The following TRPM3 variants were observed in gnomAD, a reference collection of about 807,000 sequenced individuals.
The protein encoded by TRPM3 is long transient receptor potential channel 3.
TRPM3 carries 77 observed loss-of-function variants against 181.2 expected under a neutral mutation model. That is an observed-to-expected ratio of 0.42 (90% confidence interval 0.35 to 0.51). TRPM3 has a LOEUF of 0.51. Among genes scored for constraint, TRPM3 ranks in the 20% least tolerant of loss-of-function variants. The probability of loss-of-function intolerance (pLI) is 0.01; values close to 1 mark genes in which losing one functional copy is unlikely to be tolerated. For synonymous variants in TRPM3, 745 were observed against 796.4 expected, an observed-to-expected ratio of 0.94 and a Z score of 1.09; for missense variants, 1,759 against 2,196.7, an observed-to-expected ratio of 0.80 and a Z score of 3.98.
intron 1 of TRPM3, among the ~76,000 whole-genome samples, chr9:71,167,477 TC>T (rs1260758477): frequency 6.6e-6 from 1 of 152,138 alleles, no homozygotes; most frequent in Non-Finnish European, 1.5e-5. Flanking sequence ...ATCACACCCT[TC>T]TGCAAAAAAA....
Position 71,096,914 on chromosome 9 carries a change from C to G in TRPM3, c.177+24264G>C, listed in dbSNP as rs538862577. 2.6e-5 allele frequency among the ~76,000 whole-genome samples: 4 copies of G among 152,246 alleles called. No homozygotes were observed. The South Asian group carries it at 6.2e-4, about 24-fold the overall frequency. On this transcript the variant is annotated intron_variant, in intron 1 of 25. Transcript: ENST00000677713. ...TTACCTCTAGAACAGCTGCTGGAGT[C>G]TATCTGATCATCCCATGGCAGTCAT... is the stretch of plus-strand genomic sequence containing the variant.
At chr9:70,989,553 T>C (rs2097456305) in intron 1 of TRPM3, among the ~76,000 whole-genome samples, 1 of 152,200 alleles carries the variant, frequency 6.6e-6, no homozygotes, top group Admixed American at 6.5e-5. Context: ...TTCGTTTTCT[T>C]AGTCCTTCTG....
chr9:71,000,459 G>A (rs2097586673), intron 1 of TRPM3, among the ~76,000 whole-genome samples: 1 of 152,184 alleles, frequency 6.6e-6, no homozygotes, highest in Non-Finnish European at 1.5e-5. Flanking sequence ...AAGGTATGGT[G>A]TTCAATGAAA....
chr9:70,865,455 C>T (rs2095630010), intron 1 of TRPM3: 1 of 152,114 alleles, frequency 6.6e-6, no homozygotes, highest in African/African-American at 2.4e-5. Flanking sequence ...GTTATTTCTA[C>T]ATGGCATCAT....
intron 1 of TRPM3, among the ~76,000 whole-genome samples, chr9:70,908,537 A>G (rs555318459): frequency 1.9e-4 from 29 of 152,360 alleles, no homozygotes; most frequent in Non-Finnish European, 3.8e-4. Context: ...AAGAAACTAA[A>G]TAAGACCTAA....
chr9:71,396,243 C>T lies in TRPM3; in HGVS notation c.183+50410G>A, dbSNP rs544898326. 1.8e-4 allele frequency among the ~76,000 whole-genome samples: 27 copies of T among 150,992 alleles called. No homozygotes were observed. The South Asian group carries it at 5.4e-3, about 30-fold the overall frequency. On this transcript the variant is annotated intron_variant, in intron 1 of 24. Coordinates refer to the TRPM3 transcript ENST00000357533. ...AATGGTAAACTGCTTTCAAGAACTA[C>T]TGCTCTTCAGTTAATGACCTAAGAA... is the stretch of plus-strand genomic sequence containing the variant.
chr9:71,072,888 T>G (rs1173480548), intron 1 of TRPM3, among the ~76,000 whole-genome samples: 1 of 152,182 alleles, frequency 6.6e-6, no homozygotes, highest in Non-Finnish European at 1.5e-5. Context: ...TGTGAACTTG[T>G]GATCAATTAA....
chr9:71,047,857 C>T (rs2059631055), intron 1 of TRPM3, among the ~76,000 whole-genome samples: 1 of 125,848 alleles, frequency 7.9e-6, no homozygotes, highest in South Asian at 2.7e-4. Context: ...CACACACACA[C>T]ACTCACACAA....
chr9:70,981,923 T>G (rs933955361), intron 1 of TRPM3, among the ~76,000 whole-genome samples: 1 of 152,196 alleles, frequency 6.6e-6, no homozygotes, highest in Admixed American at 6.5e-5. Flanking sequence ...ACAGTGTTCT[T>G]AGGAGGTTTA....
chr9:71,307,974 CT>C (rs1195485360), intron 1 of TRPM3, among the ~76,000 whole-genome samples: 175 of 142,044 alleles, frequency 1.2e-3, no homozygotes, highest in Middle Eastern at 7.1e-3. Flanking sequence ...TTCTTTCTTT[CT>C]TTTTTTTTTT....
chr9:70,873,652 G>A (rs772010950), intron 1 of TRPM3, among the ~76,000 whole-genome samples: 7 of 151,922 alleles, frequency 4.6e-5, no homozygotes, highest in Non-Finnish European at 1.0e-4. Flanking sequence ...GAAACATTGT[G>A]TTCCTTGATG....
chr9:70,529,396 T>C lies in TRPM3; in HGVS notation c.*6557A>G. 6.6e-6 allele frequency: 1 copy of C among 152,232 alleles called. No homozygotes were observed. The highest frequency in any genetic ancestry group is 1.9e-4 in the East Asian group (1 of 5,204). 9.4% of individuals were successfully genotyped at this position (152,232 alleles called of 1,614,324 possible). ...GATATCTGAATAATTTCCCCCATTA[T>C]AAACTAGGGTTAGAACGTTTACAAA... is the stretch of plus-strand genomic sequence containing the variant. On this transcript the variant is annotated 3_prime_UTR_variant, in exon 26 of 26. Coordinates refer to ENST00000677713, the MANE Select transcript of TRPM3 (RefSeq NM_001366145.2).
chr9:70,567,643 C>A (rs1181793026), intron 22 of TRPM3, among the ~76,000 whole-genome samples: 1 of 150,368 alleles, frequency 6.7e-6, no homozygotes, highest in Non-Finnish European at 1.5e-5. Flanking sequence ...TGGGAAAATC[C>A]TAAAACTAAA....
intron 1 of TRPM3, among the ~76,000 whole-genome samples, chr9:70,969,756 T>TA: frequency 7.9e-6 from 1 of 126,624 alleles, no homozygotes; most frequent in South Asian, 2.7e-4. Flanking sequence ...CTGAATGATT[T>TA]TATATATATA....
At chr9:71,044,735 G>T (rs1199060593) in intron 1 of TRPM3, among the ~76,000 whole-genome samples, 3 of 152,000 alleles carry the variant, frequency 2.0e-5, no homozygotes, top group African/African-American at 7.3e-5. Flanking sequence ...GCAGTGGCGC[G>T]GCCTCGGCTC....
chr9:70,763,077 T>A (rs992169903), intron 7 of TRPM3, among the ~76,000 whole-genome samples: 26 of 152,190 alleles, frequency 1.7e-4, no homozygotes, highest in African/African-American at 6.3e-4. Flanking sequence ...AGGTTGGATA[T>A]TATGATGGCC....
At chr9:71,317,449 G>A (rs1402818125) in intron 1 of TRPM3, among the ~76,000 whole-genome samples, 1 of 152,018 alleles carries the variant, frequency 6.6e-6, no homozygotes, top group African/African-American at 2.4e-5. Context: ...AGACCAGCCT[G>A]GGCAACAATG....
At chr9:70,558,684 C>T (rs1266423986) in intron 22 of TRPM3, among the ~76,000 whole-genome samples, 1 of 152,150 alleles carries the variant, frequency 6.6e-6, no homozygotes, top group Non-Finnish European at 1.5e-5. Flanking sequence ...TGGCCAAGCA[C>T]CTGGCCAAAG....
intron 1 of TRPM3, among the ~76,000 whole-genome samples, chr9:71,103,892 G>C (rs2068898599): frequency 6.6e-6 from 1 of 151,596 alleles, no homozygotes; most frequent in African/African-American, 2.4e-5. Flanking sequence ...AAATAATGGA[G>C]CAGATGATCT....
Sources: gnomAD v4.1 joint callset for allele counts (sites outside exome capture counted in the v4.1 genomes callset) on GRCh38, gnomAD v4.1.1 for gene constraint, MANE v1.5 for transcripts, NCBI Gene and HGNC (gene_info 2026-07-23, HGNC 2026-07-21) for gene names.